JMY: variants seen among roughly 807,000 people sequenced by gnomAD.
The protein encoded by JMY is junction-mediating and -regulatory protein.
JMY carries 46 observed loss-of-function variants against 103.3 expected under a neutral mutation model. The ratio of observed to expected loss-of-function variants is 0.45; its 90% CI spans 0.35 to 0.57. The LOEUF (loss-of-function observed/expected upper bound fraction) is 0.57. JMY is among the 20% of genes least tolerant of loss of function. The pLI is 0.00. For synonymous variants in JMY, 526 were observed against 489.3 expected (o/e 1.07, Z -0.99); for missense variants, 1,238 against 1,255.2 (o/e 0.99, Z 0.21).
Position 79,236,433 on chromosome 5 carries a change from C to T in JMY, c.-218C>T. On this transcript the variant is annotated 5_prime_UTR_variant, in exon 1 of 11. Coordinates refer to ENST00000396137, the MANE Select transcript of JMY (RefSeq NM_152405.5). ...CAGGTGACCATGTGAACTACCTGCTCCCGGGACGCTTATTGTCCTTCTCTC... is the reference window on the plus strand; with the variant it reads ...CAGGTGACCATGTGAACTACCTGCTTCCGGGACGCTTATTGTCCTTCTCTC... The T allele has an allele frequency of 2.6e-6, 1 of 389,832 alleles. No homozygotes were observed. Among genetic ancestry groups the T allele is most frequent in the Non-Finnish European group, 4.5e-6 (1 of 222,094 alleles). The allele number at this position is 389,832 out of a possible 1,614,324, so 24.1% of individuals were successfully genotyped here.
chr5:79,261,178 A>G (rs1393716719), intron 1 of JMY, among the ~76,000 whole-genome samples: 2 of 152,076 alleles, frequency 1.3e-5, no homozygotes, highest in African/African-American at 4.8e-5. Context: ...CTTCCGCCAT[A>G]TTTTGCCCAC....
intron 1 of JMY, among the ~76,000 whole-genome samples, chr5:79,242,499 C>T (rs1309402922): frequency 2.0e-5 from 3 of 152,196 alleles, no homozygotes; most frequent in Non-Finnish European, 4.4e-5. Flanking sequence ...TATTCACTAT[C>T]TGCTGAGATC....
intron 1 of JMY, among the ~76,000 whole-genome samples, chr5:79,244,898 T>C (rs1744845795): frequency 6.6e-6 from 1 of 151,926 alleles, no homozygotes; most frequent in Admixed American, 6.6e-5. Flanking sequence ...TTAGGGGACT[T>C]GATAATACCA....
chr5:79,241,374 C>T (rs1426921382), intron 1 of JMY, among the ~76,000 whole-genome samples: 2 of 152,116 alleles, frequency 1.3e-5, no homozygotes, highest in Non-Finnish European at 2.9e-5. Flanking sequence ...ATTTAAAGGA[C>T]TTAGAAGATG....
At chr5:79,260,196 C>T (rs1396197809) in intron 1 of JMY, among the ~76,000 whole-genome samples, 1 of 152,234 alleles carries the variant, frequency 6.6e-6, no homozygotes, top group African/African-American at 2.4e-5. Flanking sequence ...CTCACAGACC[C>T]TTGGGATGCG....
chr5:79,297,556 C>T (rs1200238367), intron 4 of JMY, among the ~76,000 whole-genome samples: 1 of 152,182 alleles, frequency 6.6e-6, no homozygotes, highest in Non-Finnish European at 1.5e-5. Context: ...AGGATTTTGC[C>T]TCCACATTGA....
chr5:79,244,833 G>GTT lies in JMY; in HGVS notation c.1032+7164_1032+7165dup, dbSNP rs34362472. The stretch of plus-strand genomic sequence containing the variant: ...TAAATAATAGTTCTTGTAACTATTT[G>GTT]TTTTTTTTTTTTTTGGTAGAGATAG... On this transcript the variant is annotated intron_variant, in intron 1 of 10. Coordinates refer to ENST00000396137, the MANE Select transcript of JMY (RefSeq NM_152405.5). Among the ~76,000 whole-genome samples, 446 of 138,108 alleles carry GTT rather than the reference G, an allele frequency of 3.2e-3. 1 individual carries two copies. Among genetic ancestry groups the GTT allele is most frequent in the East Asian group, 5.9e-3 (27 of 4,558 alleles). The allele number at this position is 138,108 out of a possible 152,430, so 90.6% of individuals were successfully genotyped here.
chr5:79,243,594 GC>G (rs1229742586), intron 1 of JMY, among the ~76,000 whole-genome samples: 1 of 152,186 alleles, frequency 6.6e-6, no homozygotes, highest in African/African-American at 2.4e-5. Context: ...CAACATTGTA[GC>G]TTGATGCCTT....
At position 79,327,043 on chromosome 5, in the gene JMY, T is replaced by C. The variant is rs1292036746; in HGVS notation, c.*5441T>C. On this transcript the variant is annotated 3_prime_UTR_variant, in exon 11 of 11. Coordinates refer to ENST00000396137, the MANE Select transcript of JMY (RefSeq NM_152405.5). ...CAGCTTTTCTGCATTGTAATTGTAT[T>C]GCTTTGTATTTCATGTTTTTTACAC... is the stretch of plus-strand genomic sequence containing the variant. 6.6e-6 allele frequency: 1 copy of C among 152,212 alleles called. No individual in the cohort carries two copies. Among genetic ancestry groups the C allele is most frequent in the Non-Finnish European group, 1.5e-5 (1 of 68,036 alleles). The allele number at this position is 152,212 out of a possible 1,614,324, so 9.4% of individuals were successfully genotyped here.
At chr5:79,263,348 C>G (rs1745481594) in intron 1 of JMY, among the ~76,000 whole-genome samples, 1 of 152,120 alleles carries the variant, frequency 6.6e-6, no homozygotes, top group Admixed American at 6.5e-5. Context: ...AAGACTCAGA[C>G]CCAAGTATCC....
chr5:79,274,130 TTTC>T (rs1382895876), intron 1 of JMY, among the ~76,000 whole-genome samples: 1 of 106,448 alleles, frequency 9.4e-6, no homozygotes, highest in Non-Finnish European at 2.4e-5. Context: ...CACCCAGCAC[TTTC>T]TTTTTTTTCT....
chr5:79,308,130 T>G (rs1204930544), intron 7 of JMY, among the ~76,000 whole-genome samples: 1 of 152,208 alleles, frequency 6.6e-6, no homozygotes, highest in African/African-American at 2.4e-5. Context: ...TTATCAGATA[T>G]GTCCCTTTGT....
Position 79,277,811 on chromosome 5 carries a change from AG to A in JMY, c.1033-96del, listed in dbSNP as rs1745983679. ...TCATTCCCTCTTGCTTCTGTGTTTTAGGGTTCCGAGGTCCTGGCATGATAGG... is the reference window on the plus strand; with the variant it reads ...TCATTCCCTCTTGCTTCTGTGTTTTAGGTTCCGAGGTCCTGGCATGATAGG... On this transcript the variant is annotated intron_variant, in intron 1 of 10. Transcript: ENST00000396137. The A allele has an allele frequency of 5.0e-6, 5 of 997,542 alleles. No individual in the cohort carries two copies. In the East Asian group the frequency reaches 1.3e-4, roughly 25 times the overall value. 61.8% of individuals were successfully genotyped at this position (997,542 alleles called of 1,614,324 possible).
Position 79,277,926 on chromosome 5 carries a change from A to G in JMY, c.1049A>G (p.Lys350Arg), listed in dbSNP as rs200019667. ...KRIQELLDKH[K>R]NTESMVELLD... ...GTTCCACAGCTCTTGGATAAGCACA[A>G]GAATACAGAGAGCATGGTGGAGCTT... The change falls in exon 2 of 11, where the codon AAG becomes AGG. Residue 350 changes from lysine (K) to arginine (R), a missense_variant. Lys to Arg is a conservative substitution (Grantham distance 26). Transcript: ENST00000396137. 2 of 1,613,092 alleles carry G rather than the reference A, an allele frequency of 1.2e-6. No individual in the cohort carries two copies. The highest frequency in any genetic ancestry group is 1.1e-5 in the South Asian group (1 of 90,874).
At position 79,270,587 on chromosome 5, in the gene JMY, A is replaced by ATGTT. The variant is rs1439122485; in HGVS notation, c.1033-7322_1033-7321insGTTT. On this transcript the variant is annotated intron_variant, in intron 1 of 10. Transcript: ENST00000396137. ...ATATTTAAAATGTATATTTACATAA[A>ATGTT]TATTTAAAATGTATATTTACATAAA... is the stretch of plus-strand genomic sequence containing the variant. 1.1e-3 allele frequency among the ~76,000 whole-genome samples: 61 copies of ATGTT among 54,948 alleles called. 11 individuals are homozygous for ATGTT. The highest frequency in any genetic ancestry group is 1.8e-3 in the Non-Finnish European group (45 of 25,208). The allele number at this position is 54,948 out of a possible 152,430, so 36.0% of individuals were successfully genotyped here. A position where few individuals can be genotyped will look rare whatever the true frequency, so the allele number is the denominator to read the frequency against.
At chr5:79,309,231 G>A (rs1746973511) in intron 7 of JMY, among the ~76,000 whole-genome samples, 1 of 152,108 alleles carries the variant, frequency 6.6e-6, no homozygotes, top group Non-Finnish European at 1.5e-5. Flanking sequence ...CCTGATCTTA[G>A]CAAGAAAGCT....
At chr5:79,275,285 C>A (rs559573884) in intron 1 of JMY, among the ~76,000 whole-genome samples, 1 of 151,968 alleles carries the variant, frequency 6.6e-6, no homozygotes, top group Non-Finnish European at 1.5e-5. Context: ...CTCAGCCTCC[C>A]GAGCAGCTGG....
chr5:79,316,898 TAAAAAAAAA>T (rs34558016), intron 10 of JMY, among the ~76,000 whole-genome samples: 1 of 83,620 alleles, frequency 1.2e-5, no homozygotes, highest in African/African-American at 4.6e-5. Flanking sequence ...GACTCAGTCT[TAAAAAAAAA>T]AAAAAAAAAA....
chr5:79,291,123 T>G lies in JMY; in HGVS notation c.1358-7T>G. ...GTCTTAATTTCTCTTTAAAAAATTA[T>G]TAATAGCTGTGTATGATCGAATGCG... is the stretch of plus-strand genomic sequence containing the variant. On this transcript the variant is annotated splice_polypyrimidine_tract_variant and splice_region_variant and intron_variant, in intron 3 of 10. Coordinates refer to ENST00000396137, the MANE Select transcript of JMY (RefSeq NM_152405.5). The G allele has an allele frequency of 6.5e-7, 1 of 1,547,398 alleles. No individual in the cohort carries two copies.
Sources: gnomAD v4.1 joint callset for allele counts (sites outside exome capture counted in the v4.1 genomes callset) on GRCh38, gnomAD v4.1.1 for gene constraint, MANE v1.5 for transcripts, NCBI Gene and HGNC (gene_info 2026-07-23, HGNC 2026-07-21) for gene names.